FRMPD2: variants seen among roughly 807,000 people sequenced by gnomAD.
FRMPD2 encodes the protein FERM and PDZ domain-containing protein 2.
Under a neutral mutation model 140.1 loss-of-function variants are expected in FRMPD2, and 96 were observed. The observed-to-expected ratio is 0.69, with a 90% CI of 0.58 to 0.81. The LOEUF (loss-of-function observed/expected upper bound fraction) is 0.81. Among genes scored for constraint, FRMPD2 ranks in the 40% least tolerant of loss-of-function variants. The pLI is 0.00. For missense variants in FRMPD2, 1,240 were observed against 1,447.4 expected (o/e 0.86, Z 2.32); for synonymous variants, 449 against 547.6 (o/e 0.82, Z 2.52).
intron 20 of FRMPD2, among the ~76,000 whole-genome samples, chr10:48,181,887 T>TACACATAC (rs1838560682): frequency 9.0e-6 from 1 of 111,526 alleles, no homozygotes; most frequent in Admixed American, 9.0e-5. Context: ...ATGGCTCTCA[T>TACACATAC]ACACACACAC....
intron 4 of FRMPD2, among the ~76,000 whole-genome samples, chr10:48,243,017 A>G (rs1840162638): frequency 6.6e-6 from 1 of 152,210 alleles, no homozygotes; most frequent in Non-Finnish European, 1.5e-5. Context: ...CACACACTGC[A>G]GGTCACTTTC....
chr10:48,216,532 T>C (rs552312438), intron 12 of FRMPD2, among the ~76,000 whole-genome samples: 1 of 152,282 alleles, frequency 6.6e-6, no homozygotes, highest in Non-Finnish European at 1.5e-5. Flanking sequence ...CTCTAAGTGC[T>C]AGAGTTAAAC....
intron 20 of FRMPD2, among the ~76,000 whole-genome samples, 171 bp from the exon 21 acceptor site, chr10:48,181,179 G>A (rs1838535351): frequency 6.6e-6 from 1 of 151,902 alleles, no homozygotes; most frequent in Admixed American, 6.6e-5. Context: ...ATTAGAGAAA[G>A]GGAAGATTCT....
rs753412729 is a variant in FRMPD2, at chr10:48,223,218, A to C, written c.1221T>G (p.Pro407=). The C allele has an allele frequency of 6.2e-6, 10 of 1,613,876 alleles. No homozygotes were observed. The highest frequency in any genetic ancestry group is 4.0e-5 in the African/African-American group (3 of 74,920). Residue 407 remains proline (P), a synonymous_variant, in exon 11 of 29, where the codon CCT becomes CCG. Coordinates refer to ENST00000374201, the MANE Select transcript of FRMPD2 (RefSeq NM_001018071.4). ...DSETRLCKIA[P]EGWREQPQKT... ...TCTGAGGCTGCTCTCTCCAGCCTTC[A>C]GGAGCTATTTTGCACAATCTGGTTT...
intron 11 of FRMPD2, 31 bp from the exon 12 acceptor site, chr10:48,222,482 G>T (rs779416265): frequency 6.2e-7 from 1 of 1,611,042 alleles, no homozygotes; most frequent in Non-Finnish European, 8.5e-7. Flanking sequence ...AAAAGGGCTG[G>T]GTTGCTAAGG....
chr10:48,221,977 G>A (rs1371297581), intron 12 of FRMPD2, among the ~76,000 whole-genome samples: 1 of 145,038 alleles, frequency 6.9e-6, no homozygotes, highest in Non-Finnish European at 1.5e-5. Flanking sequence ...TGGATGGATG[G>A]TTGGATGGAT....
chr10:48,157,865 C>T (rs1434553920), intron 28 of FRMPD2, among the ~76,000 whole-genome samples: 3 of 143,890 alleles, frequency 2.1e-5, no homozygotes, highest in African/African-American at 7.9e-5. Context: ...GAAGTTTTAT[C>T]AAAGAATGGG....
chr10:48,183,685 TAC>T (rs1286372881), intron 20 of FRMPD2, among the ~76,000 whole-genome samples: 2 of 151,678 alleles, frequency 1.3e-5, no homozygotes, highest in East Asian at 3.9e-4. Flanking sequence ...ACCCCGTCTC[TAC>T]TAAAAAATAC....
intron 13 of FRMPD2, among the ~76,000 whole-genome samples, chr10:48,208,000 C>T (rs984269320): frequency 1.3e-5 from 2 of 152,090 alleles, no homozygotes; most frequent in Middle Eastern, 3.2e-3. Context: ...ATTTCTGAAC[C>T]CTAAGCCTCC....
intron 1 of FRMPD2, among the ~76,000 whole-genome samples, chr10:48,256,404 T>C (rs966978271): frequency 6.6e-6 from 1 of 152,230 alleles, no homozygotes; most frequent in African/African-American, 2.4e-5. Flanking sequence ...TTATCCCTAA[T>C]TGTATATTGA....
In FRMPD2 at chr10:48,199,659, C is replaced by T. The variant is rs546766747; in HGVS notation, c.1954+1569G>A. The T allele has an allele frequency of 2.6e-5, 4 of 152,348 alleles. No individual in the cohort carries two copies. The East Asian group carries it at 5.8e-4, about 22-fold the overall frequency. 9.4% of individuals were successfully genotyped at this position (152,348 alleles called of 1,614,324 possible). A position where few individuals can be genotyped will look rare whatever the true frequency, so the allele number is the denominator to read the frequency against. ...TAAACACAAATGATAAACTCTGCCT[C>T]TTCCGTAATCTGGTCCTGCTATGAG... On this transcript the variant is annotated intron_variant, in intron 15 of 28. Coordinates refer to ENST00000374201, the MANE Select transcript of FRMPD2 (RefSeq NM_001018071.4).
chr10:48,239,010 GTC>G (rs372321032), intron 7 of FRMPD2, among the ~76,000 whole-genome samples: 9 of 149,948 alleles, frequency 6.0e-5, no homozygotes, highest in Admixed American at 6.7e-5. Flanking sequence ...CTGTCTCTCT[GTC>G]TCTCTCTCTC....
intron 1 of FRMPD2, among the ~76,000 whole-genome samples, chr10:48,253,257 A>T (rs942599701): frequency 1.3e-5 from 2 of 152,246 alleles, no homozygotes; most frequent in Admixed American, 6.5e-5. Flanking sequence ...CATGGAAAAA[A>T]GCTGAACATG....
chr10:48,190,338 G>A (rs192757819), intron 16 of FRMPD2, among the ~76,000 whole-genome samples: 22 of 152,256 alleles, frequency 1.4e-4, no homozygotes, highest in Non-Finnish European at 2.9e-4. Flanking sequence ...AAAAGCATGG[G>A]AGAGTCCAGG....
At position 48,184,665 on chromosome 10, in the gene FRMPD2, G is replaced by A. The variant is rs766769732; in HGVS notation, c.2485C>T (p.Leu829=). 1.9e-5 allele frequency: 30 copies of A among 1,612,368 alleles called. No individual in the cohort carries two copies. The highest frequency in any genetic ancestry group is 2.2e-5 in the Non-Finnish European group (26 of 1,178,592). Reference sequence around the variant, plus strand: ...AAGCCCTCCAGACTGATGTGATTCAGGGCTAGTATCTGCCCTCCTAGAAAA... The same window carrying A: ...AAGCCCTCCAGACTGATGTGATTCAAGGCTAGTATCTGCCCTCCTAGAAAA... ...TIKPGGQILA[L]NHISLEGFTF... is the part of the protein sequence containing the mutation. Residue 829 remains leucine, a synonymous_variant, in exon 20 of 29, where the codon CTG becomes TTG. Transcript: ENST00000374201.
In FRMPD2 at chr10:48,184,577, G is replaced by T. The variant is rs750724108; in HGVS notation, c.2573C>A (p.Ser858Tyr). Residue 858 changes from serine (S) to tyrosine (Y), a missense_variant, in exon 20 of 29, where the codon TCT becomes TAT. By Grantham distance (144) the Ser-to-Tyr change is moderately radical. This residue lies in a region of FRMPD2 where 1,161 missense variants were observed against 1,055.9 expected (regional missense o/e 1.10). Transcript: ENST00000374201. ...NSPDNIELII[S>Y]QSKGVGGNNP... ...GGGTTAAAACATACCTTTTGACTGA[G>T]AAATAATTAATTCTATGTTGTCAGG... 11 of 1,604,876 alleles carry T rather than the reference G, an allele frequency of 6.9e-6. No individual in the cohort carries two copies. The East Asian group carries it at 1.3e-4, about 20-fold the overall frequency.
chr10:48,207,875 A>T (rs1839237122), intron 13 of FRMPD2, among the ~76,000 whole-genome samples: 1 of 152,134 alleles, frequency 6.6e-6, no homozygotes. Context: ...GGGACAAATT[A>T]TGGCTTTTGA....
In FRMPD2 at chr10:48,184,775, T is replaced by A; in HGVS notation, c.2466A>T (p.Pro822=). The change falls in exon 19 of 29, where the codon CCA becomes CCT. Residue 822 remains proline, a splice_region_variant and synonymous_variant. Transcript: ENST00000374201. Reference sequence around the variant, plus strand: ...CTCTAGTAATTTAAAAAGATGTACCTGGTTTGATCGTTTTTGCTTTTTCTG... The same window carrying A: ...CTCTAGTAATTTAAAAAGATGTACCAGGTTTGATCGTTTTTGCTTTTTCTG... ...GPAEKAKTIK[P]GGQILALNHI... is the part of the protein sequence containing the mutation. 1 of 1,611,020 alleles carries A rather than the reference T, an allele frequency of 6.2e-7. No individual in the cohort carries two copies. The highest frequency in any genetic ancestry group is 8.5e-7 in the Non-Finnish European group (1 of 1,177,860).
At position 48,198,041 on chromosome 10, in the gene FRMPD2, T is replaced by A. The variant is rs377351695; in HGVS notation, c.1954+3187A>T. ...TTAGCATAACACCAGGAAAAATTAG[T>A]AATAACAATAGTAAATAGCTCCATA... On this transcript the variant is annotated intron_variant, in intron 15 of 28. Transcript: ENST00000374201. 3.1e-4 allele frequency among the ~76,000 whole-genome samples: 47 copies of A among 152,354 alleles called. 3 individuals are homozygous for A. The South Asian group carries it at 9.7e-3, about 32-fold the overall frequency.
Sources: gnomAD v4.1 joint callset for allele counts (sites outside exome capture counted in the v4.1 genomes callset) on GRCh38, gnomAD v4.1.1 for gene constraint, gnomAD v4.1.1 regional missense constraint, MANE v1.5 for transcripts, NCBI Gene and HGNC (gene_info 2026-07-23, HGNC 2026-07-21) for gene names.